MBTD1: variants seen among roughly 807,000 people sequenced by gnomAD.
MBTD1 encodes the protein mbt domain containing 1.
MBTD1 carries 24 observed loss-of-function variants against 87.8 expected under a neutral mutation model. That is an observed-to-expected ratio of 0.27 (90% CI 0.20 to 0.38). The LOEUF is 0.38. Ranked by LOEUF, MBTD1 falls within the 10% of genes least tolerant of loss-of-function variation. The pLI, the probability that MBTD1 is intolerant of heterozygous loss-of-function variation, is 1.00. For synonymous variants in MBTD1, 237 were observed against 248.6 expected (o/e 0.95, Z 0.44); for missense variants, 436 against 760.2 (o/e 0.57, Z 5.02).
In MBTD1 at chr17:51,257,239, C is replaced by T. The variant is rs146785635; in HGVS notation, c.-49+1904G>A. On this transcript the variant is annotated intron_variant, in intron 2 of 16. Transcript: ENST00000586178. The stretch of plus-strand genomic sequence containing the variant: ...TTTTATTCTTTCTTGAATTTTGAAA[C>T]CCTCAGACTAATGATACATAAGTGT... Among the ~76,000 whole-genome samples, 93 of 152,190 alleles carry T rather than the reference C, an allele frequency of 6.1e-4. No homozygotes were observed. In the East Asian group the frequency reaches 0.015, roughly 25 times the overall value.
intron 2 of MBTD1, among the ~76,000 whole-genome samples, chr17:51,243,727 A>G (rs1383938908): frequency 2.0e-5 from 3 of 152,070 alleles, no homozygotes; most frequent in African/African-American, 7.2e-5. Context: ...GGGTCTCCCT[A>G]TGTTGCCCAG....
rs1056974825 is a variant in MBTD1 at position 51,254,651 on chromosome 17, G to C, written c.-49+4492C>G. On this transcript the variant is annotated intron_variant, in intron 2 of 16. Transcript: ENST00000586178. The stretch of plus-strand genomic sequence containing the variant: ...CTAGACCTATCACTGTTATGACTTC[G>C]GATGTAACAATTACTTGGGTCTCAG... Among the ~76,000 whole-genome samples, 3 of 152,144 alleles carry C rather than the reference G, an allele frequency of 2.0e-5. No individual in the cohort carries two copies. In the Middle Eastern group the frequency reaches 0.01, roughly 517 times the overall value.
intron 16 of MBTD1, chr17:51,186,410 G>C (rs755911919): frequency 4.6e-5 from 7 of 152,182 alleles, no homozygotes; most frequent in Non-Finnish European, 1.0e-4. Context: ...TCTACTCTCC[G>C]AGAGTCTGGT....
chr17:51,195,706 C>T (rs1345612959), intron 12 of MBTD1, among the ~76,000 whole-genome samples: 1 of 152,188 alleles, frequency 6.6e-6, no homozygotes, highest in Non-Finnish European at 1.5e-5. Flanking sequence ...GCTCCAAATC[C>T]TACTTGGTAA....
chr17:51,210,580 A>G (rs922521808), intron 6 of MBTD1, among the ~76,000 whole-genome samples: 1 of 151,742 alleles, frequency 6.6e-6, no homozygotes, highest in African/African-American at 2.4e-5. Context: ...ATATGGAGAA[A>G]TCCTGTCTCT....
chr17:51,258,583 CA>C (rs922886531), intron 2 of MBTD1, among the ~76,000 whole-genome samples: 15 of 151,872 alleles, frequency 9.9e-5, no homozygotes, highest in South Asian at 4.2e-4. Context: ...GAACACAGGT[CA>C]AATACGGGTG....
At chr17:51,221,220 T>C (rs1459904848) in intron 3 of MBTD1, among the ~76,000 whole-genome samples, 1 of 152,108 alleles carries the variant, frequency 6.6e-6, no homozygotes, top group Non-Finnish European at 1.5e-5. Context: ...ACTGCTTAAG[T>C]CCAGGAGTTC....
At chr17:51,208,746 T>C (rs537960448) in intron 6 of MBTD1, among the ~76,000 whole-genome samples, 1 of 152,218 alleles carries the variant, frequency 6.6e-6, no homozygotes, top group Admixed American at 6.5e-5. Context: ...GTAAGTAAGT[T>C]TGGCATACAG....
rs141799781 is a variant in MBTD1 at position 51,182,289 on chromosome 17, G to A, written c.1769-1595C>T. 7.2e-4 allele frequency among the ~76,000 whole-genome samples: 109 copies of A among 151,924 alleles called. No individual in the cohort carries two copies. In the East Asian group the frequency reaches 0.018, roughly 24 times the overall value. ...ACAGGTGTGTGCCACCATGCCTGGC[G>A]AATTCTTTTGTATTTTTAGTAGAGA... On this transcript the variant is annotated intron_variant, in intron 16 of 16. Transcript: ENST00000586178.
intron 2 of MBTD1, among the ~76,000 whole-genome samples, chr17:51,257,777 C>G (rs1176313883): frequency 6.6e-6 from 1 of 152,092 alleles, no homozygotes; most frequent in Admixed American, 6.5e-5. Context: ...TCTACTGATT[C>G]TTTTTCACAA....
At chr17:51,235,255 C>CTT (rs1368233718) in intron 2 of MBTD1, among the ~76,000 whole-genome samples, 4 of 152,042 alleles carry the variant, frequency 2.6e-5, no homozygotes. Context: ...CGTGCCTTAG[C>CTT]CTCCTGAGTA....
intron 2 of MBTD1, among the ~76,000 whole-genome samples, chr17:51,239,636 G>A (rs944297779): frequency 1.3e-5 from 2 of 151,934 alleles, no homozygotes; most frequent in Admixed American, 1.3e-4. Flanking sequence ...TTTTTTGTAG[G>A]AGGCTAGCCT....
In MBTD1 at chr17:51,179,482, T is replaced by TTATATATATATATATATATA. The variant is rs1491325264; in HGVS notation, c.*1093_*1094insTATATATATATATATATATA. The TTATATATATATATATATATA allele has an allele frequency of 8.2e-4, 26 of 31,646 alleles. 1 individual carries two copies. The highest frequency in any genetic ancestry group is 5.0e-3 in the Admixed American group (11 of 2,200). The allele number at this position is 31,646 out of a possible 1,614,324, so 2.0% of individuals were successfully genotyped here. ...AAATCCTGAATACAATTAAAGACAA[T>TTATATATATATATATATATA]TTTATATATATATATATATATATAT... On this transcript the variant is annotated 3_prime_UTR_variant, in exon 17 of 17. Transcript: ENST00000586178.
In MBTD1 at chr17:51,178,981, A is replaced by G. The variant is rs1207357205; in HGVS notation, c.*1595T>C. Reference sequence around the variant, plus strand: ...GCGTATTACCAATGCTATTATTCCCAAAAGTAGAGCAATATTTTAGAAAAT... The same window carrying G: ...GCGTATTACCAATGCTATTATTCCCGAAAGTAGAGCAATATTTTAGAAAAT... On this transcript the variant is annotated 3_prime_UTR_variant, in exon 17 of 17. Coordinates refer to ENST00000586178, the MANE Select transcript of MBTD1 (RefSeq NM_017643.3). The G allele has an allele frequency of 6.6e-6, 1 of 152,174 alleles. No homozygotes were observed. The highest frequency in any genetic ancestry group is 1.5e-5 in the Non-Finnish European group (1 of 68,020). The allele number at this position is 152,174 out of a possible 1,614,324, so 9.4% of individuals were successfully genotyped here. A position where few individuals can be genotyped will look rare whatever the true frequency, so the allele number is the denominator to read the frequency against.
chr17:51,221,305 A>G (rs887614813), intron 3 of MBTD1, among the ~76,000 whole-genome samples: 2 of 152,190 alleles, frequency 1.3e-5, no homozygotes, highest in African/African-American at 4.8e-5. Flanking sequence ...ATCAAAAACA[A>G]AAAACAAAAC....
intron 2 of MBTD1, among the ~76,000 whole-genome samples, chr17:51,236,963 A>G (rs567251773): frequency 6.6e-6 from 1 of 152,302 alleles, no homozygotes; most frequent in South Asian, 2.1e-4. Context: ...GTGTTAAGCA[A>G]GAAGTTTTTA....
At chr17:51,204,032 C>T (rs972089042) in intron 7 of MBTD1, 107 bp from the exon 8 acceptor site, 1 of 851,980 alleles carries the variant, frequency 1.2e-6, no homozygotes, top group Non-Finnish European at 1.8e-6. Context: ...AATACAATCA[C>T]CTGCAGGGTT....
At chr17:51,255,464 T>G (rs1020278310) in intron 2 of MBTD1, among the ~76,000 whole-genome samples, 1 of 152,158 alleles carries the variant, frequency 6.6e-6, no homozygotes, top group African/African-American at 2.4e-5. Flanking sequence ...TACAGGGTGT[T>G]AATAATTAAA....
At chr17:51,200,010 A>G (rs2051371052) in intron 12 of MBTD1, among the ~76,000 whole-genome samples, 1 of 152,130 alleles carries the variant, frequency 6.6e-6, no homozygotes, top group African/African-American at 2.4e-5. Flanking sequence ...TAGTTTTAGT[A>G]GAGACAGGGT....
Sources: gnomAD v4.1 joint callset for allele counts (sites outside exome capture counted in the v4.1 genomes callset) on GRCh38, gnomAD v4.1.1 for gene constraint, MANE v1.5 for transcripts, NCBI Gene and HGNC (gene_info 2026-07-23, HGNC 2026-07-21) for gene names.